Variants in WWC1 observed in about 807,000 individuals in gnomAD.
WWC1 encodes the protein WW and C2 domain containing 1, also known as protein KIBRA.
A neutral mutation model predicts 138.4 loss-of-function variants in WWC1; 55 were observed. That is an observed-to-expected ratio of 0.40 (90% confidence interval 0.32 to 0.50). The LOEUF is 0.50. Among genes scored for constraint, WWC1 ranks in the 20% least tolerant of loss-of-function variants. WWC1 has a pLI of 0.72. For synonymous variants in WWC1, 524 were observed against 564.9 expected, an observed-to-expected ratio of 0.93 and a Z score of 1.03; for missense variants, 1,226 against 1,420.4, an observed-to-expected ratio of 0.86 and a Z score of 2.20.
chr5:168,302,807 G>T (rs1205812243), intron 1 of WWC1, among the ~76,000 whole-genome samples: 2 of 152,130 alleles, frequency 1.3e-5, no homozygotes, highest in Non-Finnish European at 2.9e-5. Context: ...TAATATGCCA[G>T]GCATTGTTTT....
At chr5:168,313,190 C>T (rs1158994604) in intron 1 of WWC1, among the ~76,000 whole-genome samples, 1 of 152,136 alleles carries the variant, frequency 6.6e-6, no homozygotes, top group African/African-American at 2.4e-5. Context: ...GTTTCTGCCT[C>T]AAACCCCTGT....
chr5:168,445,239 A>G (rs1755138228), intron 17 of WWC1, among the ~76,000 whole-genome samples: 1 of 152,092 alleles, frequency 6.6e-6, no homozygotes. Context: ...ACTTGAACCC[A>G]GGATGGGGAG....
intron 5 of WWC1, among the ~76,000 whole-genome samples, chr5:168,403,079 T>TTTCTTTCTTTCTTTCTTTCTTTCTTTCC (rs1491364364): frequency 1.0e-5 from 1 of 95,782 alleles, no homozygotes; most frequent in Admixed American, 1.1e-4. Flanking sequence ...TCTTTCTTTC[T>TTTCTTTCTTTCTTTCTTTCTTTCTTTCC]TTTCTTTCTT....
Position 168,292,005 on chromosome 5 carries a change from G to T in WWC1, c.-148G>T. 4 of 907,648 alleles carry T rather than the reference G, an allele frequency of 4.4e-6. No individual in the cohort carries two copies. The highest frequency in any genetic ancestry group is 6.0e-6 in the Non-Finnish European group (4 of 670,904). 56.2% of individuals were successfully genotyped at this position (907,648 alleles called of 1,614,324 possible). The stretch of plus-strand genomic sequence containing the variant: ...ATGGACAGCGGCGCCACCCCGGCCG[G>T]CCCCTACTAGGGCCCCCCATCTGCG... On this transcript the variant is annotated 5_prime_UTR_variant, in exon 1 of 23. Coordinates refer to ENST00000265293, the MANE Select transcript of WWC1 (RefSeq NM_015238.3). This position sits in a 1 kb window ranked among gnomAD's most constrained non-coding sequence, Gnocchi z 4.4.
At chr5:168,446,934 G>A (rs1351998410) in intron 17 of WWC1, among the ~76,000 whole-genome samples, 2 of 152,226 alleles carry the variant, frequency 1.3e-5, no homozygotes, top group East Asian at 1.9e-4. Context: ...GGTCTTAAGT[G>A]CATGTGCTTT....
intron 2 of WWC1, among the ~76,000 whole-genome samples, chr5:168,373,308 A>G (rs1244388366): frequency 6.6e-6 from 1 of 152,104 alleles, no homozygotes; most frequent in African/African-American, 2.4e-5. Flanking sequence ...AGGCCGTGGC[A>G]GAGTTTATTC....
intron 17 of WWC1, among the ~76,000 whole-genome samples, chr5:168,448,094 C>G (rs1169706118): frequency 1.3e-5 from 2 of 152,274 alleles, no homozygotes; most frequent in East Asian, 3.9e-4. Context: ...CTCCACACCC[C>G]CTGCCATTCA....
At chr5:168,441,631 TG>T (rs1365378599) in intron 15 of WWC1, 50 bp from the exon 16 acceptor site, 1 of 1,588,284 alleles carries the variant, frequency 6.3e-7, no homozygotes, top group Non-Finnish European at 8.6e-7. Flanking sequence ...CCCTGACACC[TG>T]GTGTCCCCCC....
At chr5:168,359,953 G>A (rs1192657008) in intron 1 of WWC1, among the ~76,000 whole-genome samples, 1 of 152,224 alleles carries the variant, frequency 6.6e-6, no homozygotes, top group Non-Finnish European at 1.5e-5. Context: ...CAGCTTAAGA[G>A]TCCTGCTTTG....
intron 2 of WWC1, among the ~76,000 whole-genome samples, chr5:168,374,884 C>A (rs1777051120): frequency 1.3e-5 from 2 of 152,098 alleles, no homozygotes; most frequent in Non-Finnish European, 2.9e-5. Context: ...GTAGAGACAG[C>A]AGGATTTCCC....
intron 5 of WWC1, among the ~76,000 whole-genome samples, chr5:168,401,205 G>C (rs9313410): frequency 0.18 from 26,639 of 152,148 alleles, 2,723 homozygotes; most frequent in African/African-American, 0.28. Context: ...GCATGTAACA[G>C]ACTCATTCAT....
At chr5:168,384,023 A>T (rs1034293010) in intron 2 of WWC1, among the ~76,000 whole-genome samples, 2 of 152,160 alleles carry the variant, frequency 1.3e-5, no homozygotes, top group African/African-American at 4.8e-5. Flanking sequence ...TTGAGAATGT[A>T]CATATTGATT....
At chr5:168,365,538 G>A (rs546396119) in intron 1 of WWC1, among the ~76,000 whole-genome samples, 1 of 152,278 alleles carries the variant, frequency 6.6e-6, no homozygotes, top group South Asian at 2.1e-4. Context: ...CTTAGAAAAG[G>A]CACATTGTCA....
intron 1 of WWC1, among the ~76,000 whole-genome samples, chr5:168,302,925 G>C (rs1770225940): frequency 1.3e-5 from 2 of 152,152 alleles, no homozygotes; most frequent in Non-Finnish European, 2.9e-5. Flanking sequence ...GAACCACCTG[G>C]AGGTCTTGTT....
At chr5:168,347,060 G>A (rs1167132392) in intron 1 of WWC1, among the ~76,000 whole-genome samples, 1 of 152,156 alleles carries the variant, frequency 6.6e-6, no homozygotes, top group Admixed American at 6.5e-5. Context: ...CTGAGTCTGT[G>A]ACACTGGGCT....
intron 1 of WWC1, among the ~76,000 whole-genome samples, chr5:168,359,093 T>A (rs1775688886): frequency 6.6e-6 from 1 of 151,670 alleles, no homozygotes; most frequent in South Asian, 2.1e-4. Flanking sequence ...TCTCACTCTG[T>A]CACCCAGGCT....
At chr5:168,457,140 A>ATTTTT (rs34063177) in intron 19 of WWC1, among the ~76,000 whole-genome samples, 3 of 119,474 alleles carry the variant, frequency 2.5e-5, no homozygotes, top group Admixed American at 1.9e-4. Context: ...TAGAAAGGGC[A>ATTTTT]TTTTTTTTTT....
rs10475875 is a variant in WWC1 at position 168,296,318 on chromosome 5, C to A, written c.119+4047C>A. On this transcript the variant is annotated intron_variant, in intron 1 of 22. Transcript: ENST00000265293. ...CGGAGGCACACATGGCTGGAGAGGC[C>A]ATGCTGAGAGGATCCAGCAACTTCT... is the stretch of plus-strand genomic sequence containing the variant. Among the ~76,000 whole-genome samples, 895 of 152,248 alleles carry A rather than the reference C, an allele frequency of 5.9e-3. 14 individuals are homozygous for A. The highest frequency in any genetic ancestry group is 0.021 in the African/African-American group (858 of 41,538).
intron 9 of WWC1, among the ~76,000 whole-genome samples, chr5:168,417,620 A>G (rs1384978134): frequency 6.6e-6 from 1 of 152,102 alleles, no homozygotes; most frequent in Non-Finnish European, 1.5e-5. Context: ...GCCTTCTGTT[A>G]TTGCCTTCAA....
Sources: gnomAD v4.1 joint callset for allele counts (sites outside exome capture counted in the v4.1 genomes callset) on GRCh38, gnomAD v4.1.1 for gene constraint, Gnocchi (gnomAD v3.1) non-coding constraint, MANE v1.5 for transcripts, NCBI Gene and HGNC (gene_info 2026-07-23, HGNC 2026-07-21) for gene names.